CSMD1: variants seen among roughly 807,000 people sequenced by gnomAD.
The protein encoded by CSMD1 is CUB and Sushi multiple domains 1.
Under a neutral mutation model 417.5 loss-of-function variants are expected in CSMD1, and 213 were observed. That is an observed-to-expected ratio of 0.51 (90% CI 0.46 to 0.57). CSMD1 has a LOEUF of 0.57. CSMD1 is among the 20% of genes least tolerant of loss of function. CSMD1 has a pLI of 0.00. For synonymous variants in CSMD1, 2,862 were observed against 1,736.8 expected, an observed-to-expected ratio of 1.65 and a Z score of -16.11; for missense variants, 6,923 against 4,529.7, an observed-to-expected ratio of 1.53 and a Z score of -15.17.
At chr8:4,306,000 G>A (rs1257498752) in intron 3 of CSMD1, among the ~76,000 whole-genome samples, 7 of 152,158 alleles carry the variant, frequency 4.6e-5, no homozygotes, top group African/African-American at 7.2e-5. Flanking sequence ...CTTAATGGTT[G>A]TGCAATATTA....
chr8:3,949,624 G>C (rs568104444), intron 5 of CSMD1, among the ~76,000 whole-genome samples: 2 of 152,096 alleles, frequency 1.3e-5, no homozygotes, highest in African/African-American at 2.4e-5. Flanking sequence ...TTGTTTGGGA[G>C]ATGATTTTAG....
intron 10 of CSMD1, among the ~76,000 whole-genome samples, chr8:3,527,162 A>G (rs1469777043): frequency 6.6e-6 from 1 of 152,142 alleles, no homozygotes; most frequent in Non-Finnish European, 1.5e-5. Context: ...CGTTTTTATA[A>G]CACAAAAAAA....
At chr8:3,428,758 G>A (rs539703582) in intron 12 of CSMD1, among the ~76,000 whole-genome samples, 1 of 152,224 alleles carries the variant, frequency 6.6e-6, no homozygotes, top group Non-Finnish European at 1.5e-5. Flanking sequence ...GCACTCCCCT[G>A]TTCACTGCAG....
intron 5 of CSMD1, among the ~76,000 whole-genome samples, chr8:3,963,688 T>C (rs111586883): frequency 2.0e-5 from 3 of 152,194 alleles, no homozygotes; most frequent in Non-Finnish European, 4.4e-5. Flanking sequence ...TAAGTGAATA[T>C]ACATAGATTT....
chr8:3,167,025 G>A lies in CSMD1; in HGVS notation c.5726-4748C>T, dbSNP rs142181997. Among the ~76,000 whole-genome samples, 22 of 152,154 alleles carry A rather than the reference G, an allele frequency of 1.4e-4. No homozygotes were observed. In the East Asian group the frequency reaches 1.6e-3, roughly 11 times the overall value. ...CACAGGGCGGGGCACAGTGGCTCAC[G>A]CCTGTCATCCCAGCACTTTGGGAGG... On this transcript the variant is annotated intron_variant, in intron 37 of 69. Coordinates refer to ENST00000635120, the MANE Select transcript of CSMD1 (RefSeq NM_033225.6).
intron 2 of CSMD1, among the ~76,000 whole-genome samples, chr8:4,466,322 G>A (rs77713729): frequency 1.3e-5 from 2 of 152,000 alleles, no homozygotes. Flanking sequence ...GAAGAGGGAA[G>A]AAAGAAAGGG....
intron 3 of CSMD1, among the ~76,000 whole-genome samples, chr8:4,348,616 G>A (rs1184164925): frequency 6.9e-6 from 1 of 143,970 alleles, no homozygotes; most frequent in Non-Finnish European, 1.5e-5. Flanking sequence ...TGTTGGGGGT[G>A]GGGGAGGGAG....
intron 1 of CSMD1, among the ~76,000 whole-genome samples, chr8:4,958,983 A>G (rs973652294): frequency 5.3e-5 from 8 of 152,202 alleles, no homozygotes; most frequent in African/African-American, 1.9e-4. Flanking sequence ...AAAAACAAGA[A>G]ACGTGAAAAC....
At chr8:3,280,767 CTTA>C (rs1802672974) in intron 26 of CSMD1, among the ~76,000 whole-genome samples, 1 of 117,992 alleles carries the variant, frequency 8.5e-6, no homozygotes, top group Non-Finnish European at 1.7e-5. Context: ...TGTCTTCATG[CTTA>C]TTTCTTACTA....
chr8:3,408,223 A>C lies in CSMD1; in HGVS notation c.1747T>G (p.Ser583Ala). 1 of 1,593,112 alleles carries C rather than the reference A, an allele frequency of 6.3e-7. No individual in the cohort carries two copies. The highest frequency in any genetic ancestry group is 8.6e-7 in the Non-Finnish European group (1 of 1,167,358). The change falls in exon 14 of 70, where the codon TCA becomes GCA. Residue 583 changes from serine to alanine, a missense_variant and splice_region_variant. Ser to Ala is a moderately conservative substitution (Grantham distance 99). Coordinates refer to ENST00000635120, the MANE Select transcript of CSMD1 (RefSeq NM_033225.6). The part of the protein sequence containing the change: ...WSGNKPSCVF[S>A]CFFNFTASSG... Reference sequence around the variant, plus strand: ...GATGCCGTAAAGTTGAAGAAACATGAAACTGTGAAGATGCAAATATATTTT... The same window carrying C: ...GATGCCGTAAAGTTGAAGAAACATGCAACTGTGAAGATGCAAATATATTTT...
intron 2 of CSMD1, among the ~76,000 whole-genome samples, chr8:4,553,901 A>G (rs1023350826): frequency 2.0e-5 from 3 of 152,174 alleles, no homozygotes; most frequent in Non-Finnish European, 4.4e-5. Flanking sequence ...CAAGCACAAA[A>G]AATCTGATGA....
intron 37 of CSMD1, among the ~76,000 whole-genome samples, chr8:3,168,636 C>CACACACACAA (rs1820383393): frequency 6.6e-6 from 1 of 151,782 alleles, no homozygotes; most frequent in South Asian, 2.1e-4. Context: ...CTTCATCACA[C>CACACACACAA]ACACACACAC....
At chr8:3,268,982 C>G (rs928050259) in intron 26 of CSMD1, among the ~76,000 whole-genome samples, 16 of 152,162 alleles carry the variant, frequency 1.1e-4, no homozygotes, top group Admixed American at 9.8e-4. Flanking sequence ...AACCTCCATC[C>G]TCAAGAATAG....
chr8:3,053,105 GA>G (rs1811979075), intron 49 of CSMD1, among the ~76,000 whole-genome samples: 1 of 152,158 alleles, frequency 6.6e-6, no homozygotes. Context: ...TAGGGTATGG[GA>G]TAAGTATACA....
At chr8:3,285,678 C>T (rs1410750838) in intron 25 of CSMD1, among the ~76,000 whole-genome samples, 1 of 152,002 alleles carries the variant, frequency 6.6e-6, no homozygotes, top group East Asian at 1.9e-4. Flanking sequence ...TGATTACAGG[C>T]ATGAGCCACC....
chr8:3,543,062 G>A (rs1436567252), intron 10 of CSMD1, among the ~76,000 whole-genome samples: 9 of 152,176 alleles, frequency 5.9e-5, no homozygotes, highest in Non-Finnish European at 1.2e-4. Flanking sequence ...GCTCAGACAA[G>A]TTGACAACCA....
intron 3 of CSMD1, among the ~76,000 whole-genome samples, chr8:4,103,161 G>A (rs1447034933): frequency 1.3e-5 from 2 of 152,008 alleles, no homozygotes; most frequent in Non-Finnish European, 2.9e-5. Context: ...ACAACTGTGA[G>A]CCAGTCAGCA....
At chr8:4,039,490 C>T (rs549076911) in intron 3 of CSMD1, among the ~76,000 whole-genome samples, 2 of 152,146 alleles carry the variant, frequency 1.3e-5, no homozygotes, top group Non-Finnish European at 2.9e-5. Flanking sequence ...TCTCTGAATG[C>T]GAGCCAATCT....
At chr8:4,739,090 A>T (rs1810434596) in intron 1 of CSMD1, among the ~76,000 whole-genome samples, 1 of 151,924 alleles carries the variant, frequency 6.6e-6, no homozygotes, top group Admixed American at 6.6e-5. Flanking sequence ...ACACACATAC[A>T]TGTGAACATA....
Sources: allele counts gnomAD v4.1 joint callset (sites outside exome capture counted in the v4.1 genomes callset), GRCh38; gene constraint gnomAD v4.1.1; transcripts MANE v1.5; gene names NCBI Gene and HGNC (gene_info 2026-07-23, HGNC 2026-07-21).